The following FOXP1 variants were observed in gnomAD, a reference collection of about 807,000 sequenced individuals.
The protein encoded by FOXP1 is forkhead box P1, also known as forkhead box protein P1.
FOXP1 carries 15 observed loss-of-function variants against 98.2 expected under a neutral mutation model. The observed-to-expected ratio is 0.15, with a 90% CI of 0.10 to 0.24. FOXP1 has a LOEUF of 0.24. FOXP1 is among the 10% of genes least tolerant of loss of function. The pLI, the probability that FOXP1 is intolerant of heterozygous loss-of-function variation, is 1.00. For synonymous variants in FOXP1, 371 were observed against 314.5 expected, an observed-to-expected ratio of 1.18 and a Z score of -1.90; for missense variants, 633 against 848.5, an observed-to-expected ratio of 0.75 and a Z score of 3.15.
intron 2 of FOXP1, among the ~76,000 whole-genome samples, chr3:71,493,934 G>A (rs766033353): frequency 3.3e-5 from 5 of 151,562 alleles, no homozygotes; most frequent in South Asian, 2.1e-4. Context: ...GATCTTTTTC[G>A]AAGAACAAAA....
chr3:71,233,418 TTTTTTG>T (rs776830558), intron 5 of FOXP1, among the ~76,000 whole-genome samples: 16 of 151,948 alleles, frequency 1.1e-4, no homozygotes, highest in Admixed American at 7.9e-4. Flanking sequence ...GCTATAGTTT[TTTTTTG>T]TTTTTGTTTT....
intron 5 of FOXP1, among the ~76,000 whole-genome samples, chr3:71,240,497 A>C (rs1198774618): frequency 4.6e-5 from 7 of 152,220 alleles, no homozygotes; most frequent in Non-Finnish European, 8.8e-5. Flanking sequence ...GGGGGAAAAA[A>C]GAAGTTCCTT....
intron 5 of FOXP1, among the ~76,000 whole-genome samples, chr3:71,255,513 A>G (rs2068548663): frequency 6.6e-6 from 1 of 152,166 alleles, no homozygotes. Flanking sequence ...ATCTTCTTTT[A>G]GGCTAATAAA....
chr3:71,413,311 T>C (rs915427071), intron 3 of FOXP1, among the ~76,000 whole-genome samples: 4 of 131,936 alleles, frequency 3.0e-5, no homozygotes, highest in African/African-American at 1.1e-4. Context: ...CCAACCAGTA[T>C]GGAACTGGCT....
intron 7 of FOXP1, among the ~76,000 whole-genome samples, chr3:71,087,773 T>G (rs2055293627): frequency 6.6e-6 from 1 of 152,182 alleles, no homozygotes; most frequent in Non-Finnish European, 1.5e-5. Context: ...GCAGGCTAGA[T>G]TTGAGAACTA....
intron 3 of FOXP1, among the ~76,000 whole-genome samples, chr3:71,459,140 A>T (rs777109891): frequency 6.6e-6 from 1 of 152,214 alleles, no homozygotes; most frequent in Non-Finnish European, 1.5e-5. Context: ...TTGATTCTCC[A>T]TGGTAACCAC....
intron 7 of FOXP1, among the ~76,000 whole-genome samples, chr3:71,098,236 T>A (rs2056647720): frequency 6.6e-6 from 1 of 152,234 alleles, no homozygotes; most frequent in Non-Finnish European, 1.5e-5. Context: ...GTATATTCCA[T>A]CTTCACTATG....
intron 2 of FOXP1, among the ~76,000 whole-genome samples, chr3:71,519,012 G>T (rs1445545134): frequency 6.6e-6 from 1 of 152,224 alleles, no homozygotes; most frequent in Non-Finnish European, 1.5e-5. Flanking sequence ...TTGGGAGGCC[G>T]AGACGGGCGG....
At chr3:71,359,940 C>T (rs2078437927) in intron 3 of FOXP1, among the ~76,000 whole-genome samples, 1 of 152,008 alleles carries the variant, frequency 6.6e-6, no homozygotes, top group African/African-American at 2.4e-5. Context: ...TTACAGGTGT[C>T]CGCCACCGTG....
chr3:71,570,940 T>A (rs2047292811), intron 2 of FOXP1: 1 of 149,466 alleles, frequency 6.7e-6, no homozygotes, highest in Non-Finnish European at 1.5e-5. Flanking sequence ...AGGCTTTGCT[T>A]TGAAGAGAAT....
chr3:71,120,558 A>T (rs1197526682), intron 6 of FOXP1, among the ~76,000 whole-genome samples: 1 of 152,256 alleles, frequency 6.6e-6, no homozygotes, highest in Non-Finnish European at 1.5e-5. Context: ...CTCCACACCT[A>T]CAGCATTCCA....
At chr3:71,095,872 A>T (rs997166192) in intron 7 of FOXP1, among the ~76,000 whole-genome samples, 6 of 152,262 alleles carry the variant, frequency 3.9e-5, no homozygotes, top group African/African-American at 1.4e-4. Flanking sequence ...TAAAATGTGT[A>T]GAGAAAAGGA....
chr3:71,213,859 T>TA lies in FOXP1; in HGVS notation c.-11-15468dup, dbSNP rs2064703271. ...ATAAAATGCAACATACATATGTATA[T>TA]ATTCAAATCTTACAAACACATAAAA... On this transcript the variant is annotated intron_variant, in intron 5 of 20. Coordinates refer to ENST00000649528, the MANE Select transcript of FOXP1 (RefSeq NM_001349338.3). 2.6e-5 allele frequency among the ~76,000 whole-genome samples: 4 copies of TA among 152,292 alleles called. No homozygotes were observed. The South Asian group carries it at 6.2e-4, about 24-fold the overall frequency.
At chr3:71,289,233 G>GT (rs559781799) in intron 5 of FOXP1, among the ~76,000 whole-genome samples, 112 of 151,698 alleles carry the variant, frequency 7.4e-4, no homozygotes, top group Non-Finnish European at 1.4e-3. Context: ...TAGAGACAGG[G>GT]TTTCCCCATG....
At chr3:71,239,600 A>T (rs1266331152) in intron 5 of FOXP1, among the ~76,000 whole-genome samples, 1 of 152,198 alleles carries the variant, frequency 6.6e-6, no homozygotes, top group African/African-American at 2.4e-5. Context: ...ACATTTCAAA[A>T]AAGTATAATA....
chr3:71,117,055 C>A (rs560480999), intron 6 of FOXP1, among the ~76,000 whole-genome samples: 8 of 152,062 alleles, frequency 5.3e-5, no homozygotes, highest in Non-Finnish European at 1.0e-4. Flanking sequence ...TGTCCTTCAT[C>A]TCCAACTCCA....
At chr3:71,155,986 C>T (rs1185034298) in intron 6 of FOXP1, among the ~76,000 whole-genome samples, 1 of 152,156 alleles carries the variant, frequency 6.6e-6, no homozygotes, top group Non-Finnish European at 1.5e-5. Context: ...AATGGCTTGG[C>T]CATGAACTTC....
At chr3:71,381,295 C>T (rs550402389) in intron 3 of FOXP1, among the ~76,000 whole-genome samples, 18 of 152,036 alleles carry the variant, frequency 1.2e-4, no homozygotes, top group Admixed American at 4.6e-4. Context: ...GAACTACAGG[C>T]GCCTGCCACC....
chr3:70,995,392 G>GT (rs1436935360), intron 13 of FOXP1, among the ~76,000 whole-genome samples: 2 of 152,124 alleles, frequency 1.3e-5, no homozygotes, highest in African/African-American at 4.8e-5. Context: ...TTCATAACCT[G>GT]TATAAGATTA....
Sources: gnomAD v4.1 joint callset for allele counts (sites outside exome capture counted in the v4.1 genomes callset) on GRCh38, gnomAD v4.1.1 for gene constraint, MANE v1.5 for transcripts, NCBI Gene and HGNC (gene_info 2026-07-23, HGNC 2026-07-21) for gene names.